CD244: variants seen among roughly 807,000 people sequenced by gnomAD.
The protein encoded by CD244 is natural killer cell receptor 2B4.
In CD244, 20 loss-of-function variants were observed where a neutral mutation model predicts 45.5. That is an observed-to-expected ratio of 0.44 (90% CI 0.31 to 0.64). The LOEUF (loss-of-function observed/expected upper bound fraction) is 0.64. CD244 is among the 30% of genes least tolerant of loss of function. CD244 has a pLI of 0.08. For synonymous variants in CD244, 185 were observed against 160.5 expected (o/e 1.15, Z -1.15); for missense variants, 407 against 426.9 (o/e 0.95, Z 0.41).
Position 160,841,763 on chromosome 1 carries a change from A to C in CD244, c.200T>G (p.Leu67Trp). ...AGGCAAAGAGCCATTCTCCCACTTC[A>C]ATATGTGATGAAATCCATTTTGTGA... ...LPSQNGFHHI[L>W]KWENGSLPSN... The change falls in exon 2 of 9, where the codon TTG becomes TGG. Residue 67 changes from leucine (L) to tryptophan (W), a missense_variant. Leu to Trp is a moderately conservative substitution (Grantham distance 61). Transcript: ENST00000368034. The C allele has an allele frequency of 6.2e-7, 1 of 1,614,192 alleles. No homozygotes were observed. The highest frequency in any genetic ancestry group is 8.5e-7 in the Non-Finnish European group (1 of 1,180,022).
At chr1:160,854,551 CTT>C (rs61651879) in intron 1 of CD244, among the ~76,000 whole-genome samples, 10 of 141,656 alleles carry the variant, frequency 7.1e-5, no homozygotes, top group African/African-American at 1.0e-4. Flanking sequence ...CCCAGCTATT[CTT>C]TTTTTTTTTT....
chr1:160,860,434 T>C (rs938894540), intron 1 of CD244, among the ~76,000 whole-genome samples: 5 of 151,706 alleles, frequency 3.3e-5, no homozygotes, highest in Non-Finnish European at 7.4e-5. Context: ...CTTGATTGCA[T>C]CTTGGGTCAG....
intron 4 of CD244, 134 bp downstream of exon 4, chr1:160,838,805 C>A (rs1016210499): frequency 4.6e-6 from 3 of 655,626 alleles, no homozygotes; most frequent in East Asian, 5.4e-5. Context: ...CCCGCCACCA[C>A]GCACACAAAC....
rs1215871726 is a variant in CD244 at position 160,838,536 on chromosome 1, CA to C, written c.767-19del. ...ACTGGTCTCTGAGGGAGGAAGAAAA[CA>C]AAGAGCAGAGCTGCAGAAACCTCCA... On this transcript the variant is annotated intron_variant, in intron 4 of 8. Transcript: ENST00000368034. The C allele has an allele frequency of 6.3e-7, 1 of 1,589,250 alleles. No homozygotes were observed. The highest frequency in any genetic ancestry group is 1.1e-5 in the South Asian group (1 of 90,560).
rs376705707 is a variant in CD244 at position 160,833,994 on chromosome 1, T to A, written c.960+57A>T. 4.2e-5 allele frequency: 54 copies of A among 1,281,866 alleles called. No individual in the cohort carries two copies. In the African/African-American group the frequency reaches 7.2e-4, roughly 17 times the overall value. The allele number at this position is 1,281,866 out of a possible 1,614,324, so 79.4% of individuals were successfully genotyped here. A position where few individuals can be genotyped will look rare whatever the true frequency, so the allele number is the denominator to read the frequency against. ...CACACACACTCTCACTGCAAACACATGCAAAATACACATCTACATCAACAA... is the reference window on the plus strand; with the variant it reads ...CACACACACTCTCACTGCAAACACAAGCAAAATACACATCTACATCAACAA... On this transcript the variant is annotated intron_variant, in intron 7 of 8. Coordinates refer to ENST00000368034, the MANE Select transcript of CD244 (RefSeq NM_016382.4).
Position 160,843,342 on chromosome 1 carries a change from G to A in CD244, c.62-1441C>T, listed in dbSNP as rs140696682. Reference sequence around the variant, plus strand: ...TGTGTCTCTGTCTCCTACGATCCTAGCACTATTTATAAGAACAAGTCAACC... The same window carrying A: ...TGTGTCTCTGTCTCCTACGATCCTAACACTATTTATAAGAACAAGTCAACC... On this transcript the variant is annotated intron_variant, in intron 1 of 8. Transcript: ENST00000368034. Among the ~76,000 whole-genome samples the A allele has an allele frequency of 5.3e-5, 8 of 152,254 alleles. No individual in the cohort carries two copies. In the East Asian group the frequency reaches 1.4e-3, roughly 26 times the overall value.
intron 6 of CD244, 35 bp from the exon 7 acceptor site, chr1:160,834,151 A>G: frequency 7.0e-7 from 1 of 1,426,240 alleles, no homozygotes; most frequent in Non-Finnish European, 9.9e-7. Context: ...TTTCAGAAGC[A>G]CAGATCCAGC....
chr1:160,836,165 T>C, intron 6 of CD244, 30 bp downstream of exon 6: 1 of 1,554,048 alleles, frequency 6.4e-7, no homozygotes, highest in Non-Finnish European at 8.9e-7. Flanking sequence ...GAGATAGGTA[T>C]GGAATGGACT....
intron 8 of CD244, 111 bp from the exon 9 acceptor site, chr1:160,831,538 G>A: frequency 1.3e-6 from 1 of 787,552 alleles, no homozygotes; most frequent in Non-Finnish European, 2.1e-6. Context: ...ATGAAGCTCA[G>A]AGTGACAAAA....
At chr1:160,843,877 A>C (rs1291317683) in intron 1 of CD244, among the ~76,000 whole-genome samples, 1 of 152,258 alleles carries the variant, frequency 6.6e-6, no homozygotes, top group Admixed American at 6.5e-5. Context: ...TGAGAAGCTG[A>C]GCAGAGCTCA....
chr1:160,834,149 G>A (rs768072738), intron 6 of CD244, 33 bp from the exon 7 acceptor site: 13 of 1,443,760 alleles, frequency 9.0e-6, no homozygotes, highest in Non-Finnish European at 1.1e-5. Context: ...CATTTCAGAA[G>A]CACAGATCCA....
chr1:160,843,498 T>C (rs1669618913), intron 1 of CD244, among the ~76,000 whole-genome samples: 1 of 152,242 alleles, frequency 6.6e-6, no homozygotes, highest in Non-Finnish European at 1.5e-5. Context: ...ATCCAGCCCC[T>C]GAAGAGGCAG....
intron 1 of CD244, among the ~76,000 whole-genome samples, chr1:160,843,147 A>G (rs1669606828): frequency 6.6e-6 from 1 of 152,232 alleles, no homozygotes; most frequent in Non-Finnish European, 1.5e-5. Context: ...GACTAAGTAA[A>G]TAATTAAAGG....
chr1:160,859,365 G>A (rs553192394), intron 1 of CD244, among the ~76,000 whole-genome samples: 2 of 152,324 alleles, frequency 1.3e-5, no homozygotes, highest in East Asian at 3.9e-4. Flanking sequence ...CTGCATGAAA[G>A]AAGAAGTCTT....
At chr1:160,836,291 A>G (rs777151707) in intron 5 of CD244, 37 bp from the exon 6 acceptor site, 3 of 1,540,296 alleles carry the variant, frequency 1.9e-6, no homozygotes, top group Non-Finnish European at 1.8e-6. Context: ...CATGAGCGAC[A>G]GTTCGGTCTG....
At position 160,830,521 on chromosome 1, in the gene CD244, A is replaced by G. The variant is rs1669075213; in HGVS notation, c.*826T>C. 1 of 152,362 alleles carries G rather than the reference A, an allele frequency of 6.6e-6. No homozygotes were observed. 9.4% of individuals were successfully genotyped at this position (152,362 alleles called of 1,614,324 possible). ...ACACTCATCAGGACTCAGAACTTAA[A>G]TAGAACATGGTTTCTGAGAGGCCTC... On this transcript the variant is annotated 3_prime_UTR_variant, in exon 9 of 9. Coordinates refer to ENST00000368034, the MANE Select transcript of CD244 (RefSeq NM_016382.4).
chr1:160,839,057 AT>A lies in CD244; in HGVS notation c.656-9del, dbSNP rs773314728. The A allele has an allele frequency of 1.2e-6, 2 of 1,601,406 alleles. No homozygotes were observed. Among genetic ancestry groups the A allele is most frequent in the Non-Finnish European group, 1.7e-6 (2 of 1,169,116 alleles). ...ACGGCCAAAATCTGAATTCTGAGGA[AT>A]ACAGAAGGCGTGAGAACTGAGCTGT... On this transcript the variant is annotated splice_polypyrimidine_tract_variant and intron_variant, in intron 3 of 8. Transcript: ENST00000368034.
At chr1:160,856,995 G>A (rs1670132535) in intron 1 of CD244, among the ~76,000 whole-genome samples, 1 of 152,000 alleles carries the variant, frequency 6.6e-6, no homozygotes, top group East Asian at 1.9e-4. Context: ...CCCAAGCAAG[G>A]GCTTCATGAA....
rs573396825 is a variant in CD244, at chr1:160,853,948, G to A, written c.61+8669C>T. 2.0e-5 allele frequency among the ~76,000 whole-genome samples: 3 copies of A among 152,264 alleles called. No homozygotes were observed. The East Asian group carries it at 5.8e-4, about 29-fold the overall frequency. On this transcript the variant is annotated intron_variant, in intron 1 of 8. Coordinates refer to ENST00000368034, the MANE Select transcript of CD244 (RefSeq NM_016382.4). ...GCAGAGTTAGGAGTGGCTGCCCAGAGGCGGTGGGTGGGAGCTGCCATTGAA... is the reference window on the plus strand; with the variant it reads ...GCAGAGTTAGGAGTGGCTGCCCAGAAGCGGTGGGTGGGAGCTGCCATTGAA...
Sources: allele counts gnomAD v4.1 joint callset (sites outside exome capture counted in the v4.1 genomes callset), GRCh38; gene constraint gnomAD v4.1.1; transcripts MANE v1.5; gene names NCBI Gene and HGNC (gene_info 2026-07-23, HGNC 2026-07-21).